The following RBFOX1 variants were observed in gnomAD, a reference collection of about 807,000 sequenced individuals.
The protein encoded by RBFOX1 is RNA binding fox-1 homolog 1, also known as RNA binding protein fox-1 homolog 1.
In RBFOX1, 8 loss-of-function variants were observed where a neutral mutation model predicts 57.7. That is an observed-to-expected ratio of 0.14 (90% confidence interval 0.08 to 0.25). RBFOX1 has a LOEUF of 0.25. Ranked by LOEUF, RBFOX1 falls within the 10% of genes least tolerant of loss-of-function variation. RBFOX1 has a pLI of 1.00. For missense variants in RBFOX1, 611 were observed against 548.5 expected (o/e 1.11, Z -1.14); for synonymous variants, 326 against 222.4 (o/e 1.47, Z -4.15).
chr16:6,568,755 G>T (rs9630641), intron 2 of RBFOX1, among the ~76,000 whole-genome samples: 1 of 152,000 alleles, frequency 6.6e-6, no homozygotes, highest in Non-Finnish European at 1.5e-5. Context: ...TTGATTACCA[G>T]TGTGCTTATA....
chr16:7,185,429 T>C (rs1438816075), intron 4 of RBFOX1, among the ~76,000 whole-genome samples: 2 of 152,190 alleles, frequency 1.3e-5, no homozygotes, highest in East Asian at 3.9e-4. Context: ...TTGGACGCCA[T>C]GGTTTTGTCT....
At chr16:5,756,901 T>C (rs915794862) in intron 3 of RBFOX1, among the ~76,000 whole-genome samples, 2 of 152,170 alleles carry the variant, frequency 1.3e-5, no homozygotes, top group Non-Finnish European at 2.9e-5. Flanking sequence ...ATAAAAAATA[T>C]AAGGGTTCTA....
chr16:6,018,805 C>T (rs537716476), upstream of RBFOX1, among the ~76,000 whole-genome samples: 3 of 152,146 alleles, frequency 2.0e-5, no homozygotes, highest in Non-Finnish European at 2.9e-5. Flanking sequence ...TGAGTGAGCC[C>T]ACCTGGGGAC....
intron 2 of RBFOX1, among the ~76,000 whole-genome samples, chr16:6,413,390 C>T (rs1236694001): frequency 2.6e-5 from 4 of 151,788 alleles, no homozygotes; most frequent in African/African-American, 9.7e-5. Context: ...TCTTGAACCC[C>T]TGGGCTCAAG....
At chr16:7,055,785 T>C (rs1030303898) in intron 4 of RBFOX1, among the ~76,000 whole-genome samples, 14 of 152,196 alleles carry the variant, frequency 9.2e-5, no homozygotes, top group African/African-American at 3.4e-4. Context: ...ACTCCAGTGT[T>C]GTTACCCAAT....
intron 3 of RBFOX1, among the ~76,000 whole-genome samples, chr16:5,740,161 G>A (rs1033437961): frequency 6.6e-6 from 1 of 152,216 alleles, no homozygotes; most frequent in Non-Finnish European, 1.5e-5. Context: ...AACACACGGG[G>A]AGGAGGCTGA....
chr16:6,994,172 G>A (rs1373597690), intron 3 of RBFOX1, among the ~76,000 whole-genome samples: 1 of 152,094 alleles, frequency 6.6e-6, no homozygotes, highest in Non-Finnish European at 1.5e-5. Flanking sequence ...GGGAGCCACA[G>A]GAAGCTCCTT....
intron 3 of RBFOX1, among the ~76,000 whole-genome samples, chr16:6,827,544 G>A (rs566727471): frequency 1.3e-5 from 2 of 152,160 alleles, no homozygotes; most frequent in Non-Finnish European, 2.9e-5. Context: ...TCACTCCTCT[G>A]TTCTCCAGCG....
chr16:7,081,973 C>G (rs74008715), intron 4 of RBFOX1, among the ~76,000 whole-genome samples: 11,028 of 152,128 alleles, frequency 0.072, 582 homozygotes, highest in African/African-American at 0.14. Flanking sequence ...CCTGTGGCCA[C>G]AGAGATCACA....
At chr16:7,476,628 A>T (rs1747667800) in intron 4 of RBFOX1, among the ~76,000 whole-genome samples, 1 of 152,174 alleles carries the variant, frequency 6.6e-6, no homozygotes, top group Non-Finnish European at 1.5e-5. Context: ...TCCAAGGGAT[A>T]AGGATGCCTG....
intron 3 of RBFOX1, among the ~76,000 whole-genome samples, chr16:6,858,675 C>T (rs1012765190): frequency 1.3e-5 from 2 of 152,034 alleles, no homozygotes; most frequent in Non-Finnish European, 2.9e-5. Context: ...AAAATAGAAA[C>T]AATAATTTTA....
chr16:5,241,465 T>C (rs151313191), intron 1 of RBFOX1, among the ~76,000 whole-genome samples: 9 of 152,334 alleles, frequency 5.9e-5, no homozygotes, highest in East Asian at 3.9e-4. Context: ...AAGACCAGGA[T>C]ACTAGAATGC....
At chr16:6,079,453 A>T (rs1289858950) in intron 1 of RBFOX1, among the ~76,000 whole-genome samples, 1 of 152,134 alleles carries the variant, frequency 6.6e-6, no homozygotes, top group African/African-American at 2.4e-5. Flanking sequence ...CTGGGACCAC[A>T]TGTGTGTGCC....
At chr16:5,783,412 G>T (rs1248960052) in intron 3 of RBFOX1, among the ~76,000 whole-genome samples, 2 of 151,762 alleles carry the variant, frequency 1.3e-5, no homozygotes, top group South Asian at 2.1e-4. Flanking sequence ...TATGTATGAG[G>T]GTTATATGGT....
rs564330858 is a variant in RBFOX1, at chr16:7,366,405, T to A, written c.28-151742T>A. On this transcript the variant is annotated intron_variant, in intron 4 of 15. Transcript: ENST00000550418. ...TCCAGGGAAGCTGCGCCCTGACATTTATGGCTGAGCCGAGTTTGGCCTTGA... is the reference window on the plus strand; with the variant it reads ...TCCAGGGAAGCTGCGCCCTGACATTAATGGCTGAGCCGAGTTTGGCCTTGA... Among the ~76,000 whole-genome samples, 3 of 152,222 alleles carry A rather than the reference T, an allele frequency of 2.0e-5. No individual in the cohort carries two copies. The South Asian group carries it at 6.2e-4, about 32-fold the overall frequency.
At chr16:5,790,305 C>G (rs1369800154) in intron 3 of RBFOX1, among the ~76,000 whole-genome samples, 1 of 152,056 alleles carries the variant, frequency 6.6e-6, no homozygotes, top group Non-Finnish European at 1.5e-5. Context: ...ACAAGAATGA[C>G]ACGTATATGG....
At chr16:6,869,174 C>G (rs1269263812) in intron 3 of RBFOX1, among the ~76,000 whole-genome samples, 1 of 152,212 alleles carries the variant, frequency 6.6e-6, no homozygotes, top group African/African-American at 2.4e-5. Flanking sequence ...TCTTCTGCTG[C>G]TTTGCACGCT....
chr16:6,188,750 G>A (rs1158717581), intron 1 of RBFOX1, among the ~76,000 whole-genome samples: 1 of 152,212 alleles, frequency 6.6e-6, no homozygotes, highest in African/African-American at 2.4e-5. Context: ...ATGGGCACCT[G>A]TATCAGTGTC....
intron 3 of RBFOX1, among the ~76,000 whole-genome samples, chr16:5,828,877 C>T (rs1217803158): frequency 2.0e-5 from 3 of 152,100 alleles, no homozygotes; most frequent in African/African-American, 4.8e-5. Context: ...CCATTACCCC[C>T]AAAGTGAGTA....
Sources: allele counts gnomAD v4.1 joint callset (sites outside exome capture counted in the v4.1 genomes callset), GRCh38; gene constraint gnomAD v4.1.1; transcripts MANE v1.5; gene names NCBI Gene and HGNC (gene_info 2026-07-23, HGNC 2026-07-21).